The following EZR variants were observed in gnomAD, a reference collection of about 807,000 sequenced individuals.
The protein encoded by EZR is cytovillin 2.
A neutral mutation model predicts 74.8 loss-of-function variants in EZR; 40 were observed. The ratio of observed to expected loss-of-function variants is 0.53; its 90% CI spans 0.42 to 0.70. The LOEUF (loss-of-function observed/expected upper bound fraction) is 0.70, where lower values mean the gene tolerates loss of function less well. Ranked by LOEUF, EZR falls within the 30% of genes least tolerant of loss-of-function variation. The pLI, the probability that EZR is intolerant of heterozygous loss-of-function variation, is 0.00. For synonymous variants in EZR, 341 were observed against 283.3 expected (o/e 1.20, Z -2.05); for missense variants, 678 against 755.8 (o/e 0.90, Z 1.21).
At chr6:158,815,954 CTA>C (rs1427546034) in intron 2 of EZR, among the ~76,000 whole-genome samples, 3 of 152,046 alleles carry the variant, frequency 2.0e-5, no homozygotes, top group Admixed American at 6.5e-5. Flanking sequence ...TAAAAGACCT[CTA>C]AAACAAAATG....
intron 7 of EZR, 84 bp downstream of exon 7, chr6:158,783,436 A>G: frequency 4.5e-6 from 6 of 1,330,428 alleles, no homozygotes; most frequent in Non-Finnish European, 6.1e-6. Context: ...AATACTTCAA[A>G]AATAACCCAC....
intron 2 of EZR, among the ~76,000 whole-genome samples, chr6:158,797,165 C>T (rs879506374): frequency 3.3e-5 from 5 of 152,054 alleles, no homozygotes; most frequent in Non-Finnish European, 5.9e-5. Context: ...TAAATTCAAA[C>T]TGTAATAAAA....
At chr6:158,790,042 AGAAGG>A (rs1791694175) in intron 2 of EZR, among the ~76,000 whole-genome samples, 1 of 152,206 alleles carries the variant, frequency 6.6e-6, no homozygotes, top group Non-Finnish European at 1.5e-5. Flanking sequence ...AGGAAGTCAG[AGAAGG>A]GAAGAGAGAA....
At chr6:158,770,361 G>A (rs571268246) in intron 10 of EZR, among the ~76,000 whole-genome samples, 16 of 152,286 alleles carry the variant, frequency 1.1e-4, no homozygotes, top group African/African-American at 3.9e-4. Context: ...GTTGACTGGA[G>A]CTGTGCTGGG....
chr6:158,806,564 T>TA (rs375547734), intron 2 of EZR, among the ~76,000 whole-genome samples: 3,192 of 144,988 alleles, frequency 0.022, 50 homozygotes, highest in African/African-American at 0.038. Context: ...TCTAAAGCAC[T>TA]AAAAAAAAAA....
chr6:158,770,987 G>A (rs1791088167), intron 9 of EZR, 93 bp from the exon 10 acceptor site: 1 of 1,575,766 alleles, frequency 6.3e-7, no homozygotes, highest in Admixed American at 1.7e-5. Context: ...GCTCCAGGAT[G>A]GACTTGGTAT....
intron 8 of EZR, among the ~76,000 whole-genome samples, chr6:158,772,578 G>T (rs989954031): frequency 3.3e-5 from 5 of 152,204 alleles, no homozygotes; most frequent in Non-Finnish European, 4.4e-5. Flanking sequence ...CACAGCCTTC[G>T]GGAAACTCGT....
At chr6:158,816,047 T>C (rs1583593581) in intron 2 of EZR, among the ~76,000 whole-genome samples, 1 of 152,226 alleles carries the variant, frequency 6.6e-6, no homozygotes, top group East Asian at 1.9e-4. Flanking sequence ...TTGAAGACAT[T>C]ATGCTACAGG....
chr6:158,777,296 C>G (rs1791306980), intron 7 of EZR, among the ~76,000 whole-genome samples: 1 of 152,242 alleles, frequency 6.6e-6, no homozygotes, highest in African/African-American at 2.4e-5. Flanking sequence ...CCTGGCTGGA[C>G]AGACATCTTC....
chr6:158,765,810 G>A lies in EZR; in HGVS notation c.*1104C>T, dbSNP rs1389463748. Reference sequence around the variant, plus strand: ...GAATCCACCTGCACATGGCATCTTAGCTGTGAAGGAGAAAGCAGTGCACGA... The same window carrying A: ...GAATCCACCTGCACATGGCATCTTAACTGTGAAGGAGAAAGCAGTGCACGA... On this transcript the variant is annotated 3_prime_UTR_variant, in exon 14 of 14. Transcript: ENST00000367075. 1 of 152,266 alleles carries A rather than the reference G, an allele frequency of 6.6e-6. No homozygotes were observed. The highest frequency in any genetic ancestry group is 1.5e-5 in the Non-Finnish European group (1 of 68,062). The allele number at this position is 152,266 out of a possible 1,614,324, so 9.4% of individuals were successfully genotyped here.
At chr6:158,767,755 T>C (rs866385731) in intron 12 of EZR, among the ~76,000 whole-genome samples, 35 of 152,224 alleles carry the variant, frequency 2.3e-4, no homozygotes, top group African/African-American at 7.5e-4. Context: ...ATTTCTTTTT[T>C]TACCTGTAAC....
chr6:158,791,942 T>C (rs1791759544), intron 2 of EZR, among the ~76,000 whole-genome samples: 1 of 151,890 alleles, frequency 6.6e-6, no homozygotes, highest in African/African-American at 2.4e-5. Flanking sequence ...TCTCCTGATC[T>C]TGTCATCTGC....
intron 7 of EZR, among the ~76,000 whole-genome samples, chr6:158,783,182 G>A (rs531589780): frequency 6.6e-6 from 1 of 151,954 alleles, no homozygotes; most frequent in East Asian, 1.9e-4. Context: ...TGGGCTGCCT[G>A]CGAAGTAGCT....
At chr6:158,814,366 C>CGA (rs1562509198) in intron 2 of EZR, among the ~76,000 whole-genome samples, 15 of 86,006 alleles carry the variant, frequency 1.7e-4, no homozygotes, top group East Asian at 6.2e-4. Context: ...ATTTTCCTTT[C>CGA]CCCATCAGAT....
In EZR at chr6:158,804,075, G is replaced by A. The variant is rs148613303; in HGVS notation, c.12+14007C>T. 5.8e-3 allele frequency among the ~76,000 whole-genome samples: 882 copies of A among 152,130 alleles called. 5 individuals carry two copies. The highest frequency in any genetic ancestry group is 8.6e-3 in the Non-Finnish European group (586 of 68,008). ...GCCCGAGTTCCAAGCCTGCACTGCC[G>A]AGTAACACTGATGGCCATTTCCGAC... On this transcript the variant is annotated intron_variant, in intron 2 of 13. Transcript: ENST00000367075.
chr6:158,779,178 A>C lies in EZR; in HGVS notation c.699-2674T>G, dbSNP rs138041239. Among the ~76,000 whole-genome samples the C allele has an allele frequency of 2.4e-4, 36 of 152,354 alleles. 1 individual carries two copies. Among genetic ancestry groups the C allele is most frequent in the Non-Finnish European group, 4.4e-5 (3 of 68,032 alleles). On this transcript the variant is annotated intron_variant, in intron 7 of 13. Transcript: ENST00000367075. ...AGAGGTCCTGGAAGGGCAAAACAGC[A>C]CTTTATTCTTACCAAAAATGTAAAA...
chr6:158,815,064 C>T (rs1219729644), intron 2 of EZR, among the ~76,000 whole-genome samples: 1 of 152,098 alleles, frequency 6.6e-6, no homozygotes, highest in African/African-American at 2.4e-5. Context: ...TGTGTTTGCC[C>T]CTTAATCCAG....
chr6:158,772,249 A>C (rs1791133466), intron 8 of EZR, among the ~76,000 whole-genome samples: 1 of 152,212 alleles, frequency 6.6e-6, no homozygotes, highest in South Asian at 2.1e-4. Flanking sequence ...AGGGTATTTG[A>C]GGTGTGCAGT....
intron 6 of EZR, 144 bp downstream of exon 6, chr6:158,784,500 A>T: frequency 1.5e-6 from 1 of 669,766 alleles, no homozygotes; most frequent in Non-Finnish European, 2.5e-6. Flanking sequence ...CTTCCCTAAG[A>T]AAACCCCACT....
Sources: allele counts gnomAD v4.1 joint callset (sites outside exome capture counted in the v4.1 genomes callset), GRCh38; gene constraint gnomAD v4.1.1; transcripts MANE v1.5; gene names NCBI Gene and HGNC (gene_info 2026-07-23, HGNC 2026-07-21).